Variants in CD34 observed in about 807,000 individuals in gnomAD.
The protein encoded by CD34 is CD34 molecule.
CD34 carries 34 observed loss-of-function variants against 40.1 expected under a neutral mutation model. That is an observed-to-expected ratio of 0.85 (90% CI 0.65 to 1.13). The LOEUF is 1.13. Ranked by LOEUF, CD34 falls within the 50% of genes most tolerant of loss-of-function variation. The probability of loss-of-function intolerance (pLI) is 0.00; values close to 1 mark genes in which losing one functional copy is unlikely to be tolerated. For synonymous variants in CD34, 209 were observed against 190.0 expected (o/e 1.10, Z -0.82); for missense variants, 426 against 466.9 (o/e 0.91, Z 0.81).
chr1:207,904,013 CAA>C (rs1662329326), intron 1 of CD34, among the ~76,000 whole-genome samples: 1 of 152,142 alleles, frequency 6.6e-6, no homozygotes, highest in African/African-American at 2.4e-5. Context: ...TCTAAGAAAG[CAA>C]AGACATGTGC....
chr1:207,903,318 T>C (rs1254101947), intron 1 of CD34, among the ~76,000 whole-genome samples: 3 of 152,098 alleles, frequency 2.0e-5, no homozygotes, highest in Non-Finnish European at 4.4e-5. Context: ...CCCAACTCTG[T>C]AGGGGAGTAG....
chr1:207,895,411 C>T (rs1451449666), intron 4 of CD34, among the ~76,000 whole-genome samples: 4 of 152,148 alleles, frequency 2.6e-5, no homozygotes, highest in African/African-American at 9.7e-5. Context: ...CTCATATGAG[C>T]TGCCACAGAG....
At chr1:207,907,901 C>A (rs1662415466) in intron 1 of CD34, among the ~76,000 whole-genome samples, 1 of 152,144 alleles carries the variant, frequency 6.6e-6, no homozygotes. Context: ...GTGTTGTGTT[C>A]TTTTTCCATA....
chr1:207,908,034 C>T (rs1221121633), intron 1 of CD34, among the ~76,000 whole-genome samples: 2 of 152,146 alleles, frequency 1.3e-5, no homozygotes, highest in Non-Finnish European at 1.5e-5. Context: ...GAAAGTAAAC[C>T]CAGGCCCTCC....
rs756637939 is a variant in CD34, at chr1:207,900,015, C to T, written c.80-12G>A. The T allele has an allele frequency of 1.4e-5, 23 of 1,591,764 alleles. No individual in the cohort carries two copies. The East Asian group carries it at 1.6e-4, about 11-fold the overall frequency. ...CATGAACCCAGAAGCTATAGGGAAA[C>T]GAGGAGGAAGAATCAGAACCTAAAG... On this transcript the variant is annotated splice_polypyrimidine_tract_variant and intron_variant, in intron 1 of 7. Transcript: ENST00000310833.
At chr1:207,892,686 C>A (rs1050152863) in intron 4 of CD34, among the ~76,000 whole-genome samples, 1 of 151,584 alleles carries the variant, frequency 6.6e-6, no homozygotes, top group Admixed American at 6.6e-5. Context: ...CCTTATATAC[C>A]ATATCATCTA....
intron 2 of CD34, 51 bp downstream of exon 2, chr1:207,899,770 C>G (rs771485806): frequency 6.6e-7 from 1 of 1,512,334 alleles, no homozygotes; most frequent in Non-Finnish European, 9.0e-7. Context: ...AAATGCTTTA[C>G]CCAAGCATCA....
intron 4 of CD34, chr1:207,890,388 C>T (rs564908662): frequency 2.3e-4 from 57 of 245,676 alleles, no homozygotes; most frequent in Middle Eastern, 3.9e-3. Flanking sequence ...CTCTTCAGTC[C>T]GGATGGCAGA....
chr1:207,889,276 C>T (rs1661978826), intron 5 of CD34, 63 bp from the exon 6 acceptor site: 17 of 1,612,516 alleles, frequency 1.1e-5, no homozygotes, highest in Non-Finnish European at 1.4e-5. Context: ...CTCCACCCTC[C>T]CATGCTGTTC....
At chr1:207,908,338 C>T (rs1466535330) in intron 1 of CD34, among the ~76,000 whole-genome samples, 1 of 152,212 alleles carries the variant, frequency 6.6e-6, no homozygotes, top group Non-Finnish European at 1.5e-5. Flanking sequence ...AAGGTGGTGC[C>T]AACTGGGTTG....
intron 1 of CD34, among the ~76,000 whole-genome samples, chr1:207,909,720 T>C (rs992939411): frequency 1.1e-4 from 16 of 152,302 alleles, no homozygotes; most frequent in East Asian, 1.9e-4. Context: ...TCACTCCTGT[T>C]ATGAGGGCCT....
chr1:207,888,886 C>A, intron 6 of CD34, 40 bp from the exon 7 acceptor site: 2 of 1,604,482 alleles, frequency 1.2e-6, no homozygotes, highest in Non-Finnish European at 1.7e-6. Context: ...TGTCACTTGC[C>A]AAAAGTGGAG....
rs758179289 is a variant in CD34 at position 207,911,029 on chromosome 1, T to G, written c.52A>C (p.Thr18Pro). 13 of 1,592,918 alleles carry G rather than the reference T, an allele frequency of 8.2e-6. No individual in the cohort carries two copies. The East Asian group carries it at 2.5e-4, about 30-fold the overall frequency. Residue 18 changes from threonine (T) to proline (P), a missense_variant, in exon 1 of 8, where the codon ACC becomes CCC. Transcript: ENST00000310833. The stretch of plus-strand genomic sequence containing the variant: ...AGCAAACTCAGCAAGCAAAGCGCGG[T>G]CCAGCCCCGCGGCATCCTGGGCCCT... ...RAGPRMPRGW[T>P]ALCLLSLLPS...
chr1:207,904,883 G>A (rs1291750498), intron 1 of CD34, among the ~76,000 whole-genome samples: 1 of 152,198 alleles, frequency 6.6e-6, no homozygotes, highest in Non-Finnish European at 1.5e-5. Context: ...ACTGTGGCAG[G>A]TGTGTTCCTG....
chr1:207,883,699 A>G lies in CD34; in HGVS notation c.*4039T>C, dbSNP rs1661846293. 1 of 152,196 alleles carries G rather than the reference A, an allele frequency of 6.6e-6. No homozygotes were observed. The allele number at this position is 152,196 out of a possible 1,614,324, so 9.4% of individuals were successfully genotyped here. On this transcript the variant is annotated 3_prime_UTR_variant, in exon 8 of 8. Coordinates refer to ENST00000310833, the MANE Select transcript of CD34 (RefSeq NM_001025109.2). ...ATATTGGCACCATATCTCAATTTTC[A>G]TACAGTAAGCACTCAAAAACTGTTA...
At position 207,889,232 on chromosome 1, in the gene CD34, G is replaced by T. The variant is rs553176607; in HGVS notation, c.755-19C>A. ...GAAATTTCTAGAATTAGAAACAAGG[G>T]TTGCTAAATCTAAAGAGAAACCAGC... is the stretch of plus-strand genomic sequence containing the variant. On this transcript the variant is annotated intron_variant, in intron 5 of 7. Transcript: ENST00000310833. The T allele has an allele frequency of 1.2e-4, 201 of 1,613,792 alleles. No individual in the cohort carries two copies. The highest frequency in any genetic ancestry group is 1.7e-4 in the Non-Finnish European group (195 of 1,179,950).
At chr1:207,903,530 T>G (rs534721450) in intron 1 of CD34, among the ~76,000 whole-genome samples, 2 of 152,356 alleles carry the variant, frequency 1.3e-5, no homozygotes, top group South Asian at 4.1e-4. Flanking sequence ...CCCTAGGGAC[T>G]CCATTTGACC....
intron 4 of CD34, among the ~76,000 whole-genome samples, chr1:207,894,780 T>C (rs577766113): frequency 6.6e-6 from 1 of 152,190 alleles, no homozygotes; most frequent in South Asian, 2.1e-4. Context: ...TCACCTTCCC[T>C]TCCCCTGGCT....
intron 5 of CD34, 99 bp downstream of exon 5, chr1:207,889,366 C>T (rs1446189567): frequency 2.0e-6 from 3 of 1,531,998 alleles, no homozygotes; most frequent in Non-Finnish European, 2.7e-6. Flanking sequence ...TCCCCAGCAC[C>T]TGTGGTCTCT....
Sources: gnomAD v4.1 joint callset for allele counts (sites outside exome capture counted in the v4.1 genomes callset) on GRCh38, gnomAD v4.1.1 for gene constraint, MANE v1.5 for transcripts, NCBI Gene and HGNC (gene_info 2026-07-23, HGNC 2026-07-21) for gene names.